The following SNX5 variants were observed in gnomAD, a reference collection of about 807,000 sequenced individuals.
SNX5 encodes sorting nexin-5.
Under a neutral mutation model 53.9 loss-of-function variants are expected in SNX5, and 31 were observed. That is an observed-to-expected ratio of 0.58 (90% confidence interval 0.43 to 0.78). SNX5 has a LOEUF of 0.78. SNX5 is among the 30% of genes least tolerant of loss of function. The pLI, the probability that SNX5 is intolerant of heterozygous loss-of-function variation, is 0.00. For missense variants in SNX5, 471 were observed against 478.8 expected (o/e 0.98, Z 0.15); for synonymous variants, 168 against 171.1 (o/e 0.98, Z 0.14).
chr20:17,952,759 T>C (rs2039588700), intron 4 of SNX5, 49 bp from the exon 5 acceptor site: 1 of 1,600,184 alleles, frequency 6.2e-7, no homozygotes, highest in Non-Finnish European at 8.5e-7. Flanking sequence ...CTCAACTACC[T>C]GACCAATACC....
intron 8 of SNX5, among the ~76,000 whole-genome samples, chr20:17,949,544 G>C (rs1452386589): frequency 6.6e-6 from 1 of 152,200 alleles, no homozygotes; most frequent in African/African-American, 2.4e-5. Flanking sequence ...TCTTACACCA[G>C]AAATGCCCAG....
chr20:17,967,331 A>G (rs2035559414), intron 1 of SNX5, among the ~76,000 whole-genome samples: 2 of 145,460 alleles, frequency 1.4e-5, no homozygotes, highest in Admixed American at 6.9e-5. Flanking sequence ...TGTTTTAGTA[A>G]TAAAGAACTT....
intron 1 of SNX5, among the ~76,000 whole-genome samples, chr20:17,957,421 C>T (rs1288050858): frequency 2.3e-5 from 3 of 129,940 alleles, no homozygotes; most frequent in Admixed American, 8.7e-5. Context: ...GGCGACAGAG[C>T]GAAACTGTCT....
intron 1 of SNX5, chr20:17,961,190 AC>A (rs1311810509): frequency 2.0e-6 from 2 of 985,114 alleles, no homozygotes; most frequent in South Asian, 4.7e-5. Context: ...CTGCAGGACA[AC>A]CCTGCAGCTG....
At chr20:17,959,384 T>C (rs1271836866) in intron 1 of SNX5, among the ~76,000 whole-genome samples, 1 of 152,220 alleles carries the variant, frequency 6.6e-6, no homozygotes, top group African/African-American at 2.4e-5. Context: ...ATATTTTTTG[T>C]TTCAGAATGT....
rs2035614537 is a variant in SNX5 at position 17,968,553 on chromosome 20, A to G, written c.-128T>C. On this transcript the variant is annotated 5_prime_UTR_variant, in exon 1 of 13. Transcript: ENST00000377759. ...CCGCCTCCGCCGGCCTCCCTGCCCG[A>G]CGGCGGCAGGAGGCCTCCGGACTCC... is the stretch of plus-strand genomic sequence containing the variant. 3.3e-6 allele frequency: 3 copies of G among 904,508 alleles called. No individual in the cohort carries two copies. The highest frequency in any genetic ancestry group is 4.8e-6 in the Non-Finnish European group (3 of 628,466). 56.0% of individuals were successfully genotyped at this position (904,508 alleles called of 1,614,324 possible).
intron 1 of SNX5, 150 bp from the exon 2 acceptor site, chr20:17,957,187 G>T: frequency 1.6e-6 from 1 of 630,716 alleles, no homozygotes; most frequent in South Asian, 1.8e-5. Flanking sequence ...TGTAATCCCA[G>T]CACTTTGGGA....
chr20:17,942,657 C>T, intron 12 of SNX5: 1 of 540,604 alleles, frequency 1.8e-6, no homozygotes, highest in East Asian at 3.2e-5. Flanking sequence ...CACCTCTGCC[C>T]TCACCTGCTT....
rs751335974 is a variant in SNX5, at chr20:17,942,354, A to C, written c.*3T>G. Reference sequence around the variant, plus strand: ...CATTTCTTTTCTTCTGAGTGAAGGCATATCAGTTATTCTTGAACAAGTCAA... The same window carrying C: ...CATTTCTTTTCTTCTGAGTGAAGGCCTATCAGTTATTCTTGAACAAGTCAA... On this transcript the variant is annotated 3_prime_UTR_variant, in exon 13 of 13. Coordinates refer to ENST00000377759, the MANE Select transcript of SNX5 (RefSeq NM_014426.4). 4 of 1,590,750 alleles carry C rather than the reference A, an allele frequency of 2.5e-6. No homozygotes were observed. Among genetic ancestry groups the C allele is most frequent in the South Asian group, 2.2e-5 (2 of 90,666 alleles).
chr20:17,956,595 A>C (rs2035358989), intron 2 of SNX5, among the ~76,000 whole-genome samples: 4 of 143,258 alleles, frequency 2.8e-5, no homozygotes, highest in Admixed American at 1.5e-4. Flanking sequence ...GAATTGCTTG[A>C]ACCCGGGAGG....
At chr20:17,964,980 C>T (rs1370217221) in intron 1 of SNX5, among the ~76,000 whole-genome samples, 5 of 152,172 alleles carry the variant, frequency 3.3e-5, no homozygotes, top group African/African-American at 9.7e-5. Flanking sequence ...TGTTAAGGTT[C>T]CTCAGTATTA....
At chr20:17,959,714 GAC>G (rs372162884) in intron 1 of SNX5, among the ~76,000 whole-genome samples, 233 of 152,284 alleles carry the variant, frequency 1.5e-3, no homozygotes, top group African/African-American at 5.4e-3. Flanking sequence ...CTCCAGATGA[GAC>G]AAACATGGGT....
chr20:17,947,501 C>T lies in SNX5; in HGVS notation c.1063G>A (p.Glu355Lys), dbSNP rs139196479. 9.0e-5 allele frequency: 145 copies of T among 1,612,938 alleles called. No homozygotes were observed. The highest frequency in any genetic ancestry group is 6.0e-4 in the African/African-American group (45 of 74,848). ...CCTGCTCAACCTTCTTTTGCAGATTCGGAAAGTTGTTCAAATTTCTGGCAG... is the reference window on the plus strand; with the variant it reads ...CCTGCTCAACCTTCTTTTGCAGATTTGGAAAGTTGTTCAAATTTCTGGCAG... Reference protein sequence around the residue: ...ECCQKFEQLSESAKEELINFK... With the variant: ...ECCQKFEQLSKSAKEELINFK... Residue 355 changes from glutamate to lysine, a missense_variant, in exon 11 of 13, where the codon GAA (glutamate) becomes AAA (lysine). By Grantham distance (56) the Glu-to-Lys change is moderately conservative. Coordinates refer to ENST00000377759, the MANE Select transcript of SNX5 (RefSeq NM_014426.4).
chr20:17,954,609 T>C (rs76803387), intron 3 of SNX5, among the ~76,000 whole-genome samples: 12 of 152,226 alleles, frequency 7.9e-5, no homozygotes, highest in African/African-American at 2.7e-4. Flanking sequence ...TTCTTCAGTC[T>C]GCCTGGCAGG....
At chr20:17,966,434 C>T (rs1254445905) in intron 1 of SNX5, among the ~76,000 whole-genome samples, 4 of 151,760 alleles carry the variant, frequency 2.6e-5, no homozygotes, top group Middle Eastern at 3.4e-3. Context: ...CAGTTAGGAA[C>T]CAAATTAACC....
At chr20:17,947,670 C>T (rs751512263) in intron 10 of SNX5, 25 bp from the exon 11 acceptor site, 2 of 1,598,524 alleles carry the variant, frequency 1.3e-6, no homozygotes, top group East Asian at 2.2e-5. Context: ...AACAGGTATA[C>T]ATACTAAGTA....
chr20:17,951,491 G>A lies in SNX5; in HGVS notation c.609+9C>T. The A allele has an allele frequency of 1.3e-6, 2 of 1,595,558 alleles. No individual in the cohort carries two copies. The highest frequency in any genetic ancestry group is 2.3e-4 in the Middle Eastern group (1 of 4,416). ...AAAAAATTTTCTCCAACAGCCAAAG[G>A]TCACTTACCTTAACTCCAGTAAAAA... On this transcript the variant is annotated intron_variant, in intron 6 of 12. Transcript: ENST00000377759.
Position 17,943,090 on chromosome 20 carries a change from C to CAT in SNX5, c.1164+18_1164+19dup. ...AAAAAACCATAAAAGATGTTGGCTT[C>CAT]ATCTGTAGAAAACACTTACCCTGGC... is the stretch of plus-strand genomic sequence containing the variant. On this transcript the variant is annotated intron_variant, in intron 12 of 12. Coordinates refer to ENST00000377759, the MANE Select transcript of SNX5 (RefSeq NM_014426.4). 6.7e-7 allele frequency: 1 copy of CAT among 1,497,010 alleles called. No homozygotes were observed. Among genetic ancestry groups the CAT allele is most frequent in the Non-Finnish European group, 9.3e-7 (1 of 1,075,704 alleles). The allele number at this position is 1,497,010 out of a possible 1,614,324, so 92.7% of individuals were successfully genotyped here. A position where few individuals can be genotyped will look rare whatever the true frequency, so the allele number is the denominator to read the frequency against.
chr20:17,964,985 G>T (rs1224469359), intron 1 of SNX5, among the ~76,000 whole-genome samples: 2 of 152,150 alleles, frequency 1.3e-5, no homozygotes, highest in African/African-American at 4.8e-5. Flanking sequence ...AGGTTCCTCA[G>T]TATTAGTGGA....
Sources: gnomAD v4.1 joint callset for allele counts (sites outside exome capture counted in the v4.1 genomes callset) on GRCh38, gnomAD v4.1.1 for gene constraint, MANE v1.5 for transcripts, NCBI Gene and HGNC (gene_info 2026-07-23, HGNC 2026-07-21) for gene names.